The following SNX29 variants were observed in gnomAD, a reference collection of about 807,000 sequenced individuals.
The protein encoded by SNX29 is sorting nexin 29, also known as sorting nexin-29.
A neutral mutation model predicts 102.1 loss-of-function variants in SNX29; 78 were observed. The observed-to-expected ratio is 0.76, with a 90% confidence interval of 0.64 to 0.92. The LOEUF is 0.92. SNX29 is among the 40% of genes least tolerant of loss of function. SNX29 has a pLI of 0.00. For missense variants in SNX29, 1,280 were observed against 1,061.7 expected, an observed-to-expected ratio of 1.21 and a Z score of -2.86; for synonymous variants, 580 against 414.5, an observed-to-expected ratio of 1.40 and a Z score of -4.85.
At chr16:12,287,528 T>G (rs559420510) in intron 15 of SNX29, among the ~76,000 whole-genome samples, 4 of 152,350 alleles carry the variant, frequency 2.6e-5, no homozygotes, top group African/African-American at 7.2e-5. Flanking sequence ...AAGTAGTGTT[T>G]GGAAGGAAAT....
intron 20 of SNX29, among the ~76,000 whole-genome samples, chr16:12,525,313 T>A (rs2076748768): frequency 6.6e-6 from 1 of 150,916 alleles, no homozygotes. Context: ...AATGCCTTCT[T>A]CTCTCTTGAA....
intron 14 of SNX29, among the ~76,000 whole-genome samples, chr16:12,234,489 A>G (rs1262294173): frequency 6.6e-6 from 1 of 151,144 alleles, no homozygotes; most frequent in East Asian, 1.9e-4. Flanking sequence ...CGTGATTTGC[A>G]TACCTTTTCT....
chr16:12,558,194 G>A (rs534297986), intron 20 of SNX29, among the ~76,000 whole-genome samples: 18 of 149,126 alleles, frequency 1.2e-4, no homozygotes, highest in African/African-American at 3.7e-4. Flanking sequence ...AATAATTACG[G>A]TTTACTCCAG....
chr16:12,195,772 A>C (rs1311373016), intron 13 of SNX29, among the ~76,000 whole-genome samples: 2 of 152,198 alleles, frequency 1.3e-5, no homozygotes, highest in Admixed American at 1.3e-4. Flanking sequence ...AGTGTGTGTT[A>C]GACTCTCTGG....
chr16:12,009,746 A>G (rs1251983690), intron 3 of SNX29, among the ~76,000 whole-genome samples: 1 of 152,158 alleles, frequency 6.6e-6, no homozygotes, highest in Admixed American at 6.6e-5. Flanking sequence ...CATTGAAATT[A>G]TTCCATGTTC....
intron 20 of SNX29, among the ~76,000 whole-genome samples, chr16:12,527,962 C>T (rs1406040262): frequency 6.7e-6 from 1 of 149,862 alleles, no homozygotes; most frequent in Non-Finnish European, 1.5e-5. Context: ...GTAGCTGGGA[C>T]TACATGTGCC....
At chr16:12,059,955 T>TC (rs1285056043) in intron 8 of SNX29, among the ~76,000 whole-genome samples, 5 of 152,148 alleles carry the variant, frequency 3.3e-5, no homozygotes, top group African/African-American at 1.2e-4. Context: ...TTGCCTCCCT[T>TC]CCCTTTGTCT....
At chr16:12,423,571 TTTC>T (rs980380357) in intron 18 of SNX29, among the ~76,000 whole-genome samples, 21 of 152,076 alleles carry the variant, frequency 1.4e-4, no homozygotes, top group East Asian at 3.9e-4. Flanking sequence ...CATGCTTTTT[TTTC>T]TTCTTCTTCT....
At chr16:12,297,623 G>A (rs2080026097) in intron 15 of SNX29, among the ~76,000 whole-genome samples, 3 of 152,036 alleles carry the variant, frequency 2.0e-5, no homozygotes, top group African/African-American at 7.2e-5. Flanking sequence ...AACCGTGGGT[G>A]GTGATGGATG....
intron 14 of SNX29, among the ~76,000 whole-genome samples, chr16:12,230,286 C>A (rs907911268): frequency 4.6e-5 from 7 of 152,178 alleles, no homozygotes; most frequent in African/African-American, 1.7e-4. Context: ...TCTGACTTCC[C>A]GTTTGGGCAA....
At chr16:12,384,908 T>A (rs1597179859) in intron 16 of SNX29, among the ~76,000 whole-genome samples, 1 of 152,204 alleles carries the variant, frequency 6.6e-6, no homozygotes, top group African/African-American at 2.4e-5. Flanking sequence ...TGGTGGCTCC[T>A]GCCTATAATC....
intron 14 of SNX29, among the ~76,000 whole-genome samples, chr16:12,240,046 T>G (rs1328128095): frequency 6.6e-6 from 1 of 152,240 alleles, no homozygotes; most frequent in Non-Finnish European, 1.5e-5. Context: ...CTCGTTTCAC[T>G]TGGTATCATA....
chr16:12,403,905 G>A (rs1486518773), intron 18 of SNX29, among the ~76,000 whole-genome samples: 1 of 152,156 alleles, frequency 6.6e-6, no homozygotes, highest in African/African-American at 2.4e-5. Context: ...TGTGTCTGCT[G>A]CTTGGTGACC....
intron 1 of SNX29, among the ~76,000 whole-genome samples, chr16:11,991,454 C>A (rs934737553): frequency 6.6e-6 from 1 of 151,814 alleles, no homozygotes; most frequent in Non-Finnish European, 1.5e-5. Flanking sequence ...AGGAGGGGCC[C>A]GTGGAAGCAA....
chr16:12,400,671 C>A (rs12444279), intron 17 of SNX29, among the ~76,000 whole-genome samples: 51,299 of 152,116 alleles, frequency 0.34, 10,612 homozygotes, highest in East Asian at 0.56. Context: ...GTGGCACTTA[C>A]AATAATAGTA....
intron 3 of SNX29, among the ~76,000 whole-genome samples, chr16:12,012,983 TCTGCC>T (rs1567524805): frequency 6.6e-6 from 1 of 151,524 alleles, no homozygotes; most frequent in Non-Finnish European, 1.5e-5. Context: ...GTAGATAGCT[TCTGCC>T]CAGGATGCAT....
At chr16:12,373,812 C>T (rs2082775499) in intron 16 of SNX29, 1 of 152,214 alleles carries the variant, frequency 6.6e-6, no homozygotes, top group Non-Finnish European at 1.5e-5. Flanking sequence ...CCACAAACCA[C>T]CAAGGGACTG....
At chr16:12,150,508 C>T (rs2055252495) in intron 13 of SNX29, among the ~76,000 whole-genome samples, 1 of 152,222 alleles carries the variant, frequency 6.6e-6, no homozygotes, top group Admixed American at 6.5e-5. Flanking sequence ...TGAGATTGTG[C>T]CGCCTTTGTT....
intron 13 of SNX29, among the ~76,000 whole-genome samples, chr16:12,155,776 G>A (rs915956228): frequency 2.6e-5 from 4 of 152,170 alleles, no homozygotes; most frequent in East Asian, 1.9e-4. Flanking sequence ...CAACCACCAT[G>A]GGTTCACTAA....
Sources: allele counts gnomAD v4.1 joint callset (sites outside exome capture counted in the v4.1 genomes callset), GRCh38; gene constraint gnomAD v4.1.1; transcripts MANE v1.5; gene names NCBI Gene and HGNC (gene_info 2026-07-23, HGNC 2026-07-21).